Variants in MLIP observed in about 807,000 individuals in gnomAD.
MLIP encodes the protein muscular LMNA interacting protein.
MLIP carries 79 observed loss-of-function variants against 84.8 expected under a neutral mutation model. The observed-to-expected ratio is 0.93, with a 90% CI of 0.78 to 1.12. The LOEUF (loss-of-function observed/expected upper bound fraction) is 1.12. Among genes scored for constraint, MLIP ranks in the 50% most tolerant of loss-of-function variants. MLIP has a pLI of 0.00. For missense variants in MLIP, 1,257 were observed against 1,160.6 expected, an observed-to-expected ratio of 1.08 and a Z score of -1.21; for synonymous variants, 504 against 463.0, an observed-to-expected ratio of 1.09 and a Z score of -1.14.
At chr6:54,119,091 G>A (rs1345230891) in intron 1 of MLIP, among the ~76,000 whole-genome samples, 1 of 152,070 alleles carries the variant, frequency 6.6e-6, no homozygotes, top group East Asian at 1.9e-4. Context: ...ACACATTGGT[G>A]AGAGTGTTCA....
At chr6:54,075,354 C>T (rs1345913421) in intron 1 of MLIP, among the ~76,000 whole-genome samples, 1 of 150,786 alleles carries the variant, frequency 6.6e-6, no homozygotes. Context: ...ATTATTTGTC[C>T]TTGCTTTTCT....
intron 12 of MLIP, among the ~76,000 whole-genome samples, chr6:54,246,802 C>T (rs569841126): frequency 3.5e-4 from 53 of 152,182 alleles, no homozygotes; most frequent in African/African-American, 1.3e-3. Flanking sequence ...TCTGTATCTT[C>T]TTCTAGTAAG....
intron 12 of MLIP, among the ~76,000 whole-genome samples, chr6:54,249,502 G>T (rs1029632724): frequency 4.0e-5 from 6 of 151,228 alleles, no homozygotes; most frequent in Non-Finnish European, 7.4e-5. Flanking sequence ...TATTTCTATC[G>T]AGAGGAGCTT....
intron 4 of MLIP, among the ~76,000 whole-genome samples, chr6:54,142,062 C>T (rs1772364431): frequency 1.3e-5 from 2 of 152,216 alleles, no homozygotes; most frequent in Admixed American, 1.3e-4. Context: ...CTGTGACTTT[C>T]TTCATTTCTG....
chr6:54,255,606 C>T (rs1782954311), intron 12 of MLIP, among the ~76,000 whole-genome samples: 1 of 152,034 alleles, frequency 6.6e-6, no homozygotes. Flanking sequence ...TTTCTGTTCT[C>T]TTTCATTGAT....
At chr6:54,115,555 G>A (rs1769840910) in intron 1 of MLIP, among the ~76,000 whole-genome samples, 1 of 152,134 alleles carries the variant, frequency 6.6e-6, no homozygotes, top group African/African-American at 2.4e-5. Context: ...AGGAAGAATA[G>A]AGGTCAAGGA....
chr6:54,173,930 C>T (rs1006403323), intron 9 of MLIP, among the ~76,000 whole-genome samples: 1 of 151,274 alleles, frequency 6.6e-6, no homozygotes, highest in Non-Finnish European at 1.5e-5. Context: ...TGCTCTCTAT[C>T]TCCATGAGTT....
In MLIP at chr6:54,101,264, T is replaced by C. The variant is rs78999740; in HGVS notation, c.64-20183T>C. Among the ~76,000 whole-genome samples, 268 of 152,194 alleles carry C rather than the reference T, an allele frequency of 1.8e-3. 1 individual carries two copies. The highest frequency in any genetic ancestry group is 6.1e-3 in the African/African-American group (255 of 41,550). On this transcript the variant is annotated intron_variant, in intron 1 of 12. Transcript: ENST00000274897. Reference sequence around the variant, plus strand: ...AGGGGGGAAAAAGGAGGAAATAGTGTAAGTAAACATGGTAATATTCTGATA... The same window carrying C: ...AGGGGGGAAAAAGGAGGAAATAGTGCAAGTAAACATGGTAATATTCTGATA...
rs1309793195 is a variant in MLIP at position 54,124,937 on chromosome 6, C to A, written c.645+72C>A. On this transcript the variant is annotated intron_variant, in intron 3 of 13. Coordinates refer to ENST00000502396, the MANE Select transcript of MLIP (RefSeq NM_001281747.2). ...TGCACCCTTTGTCTTGGGCGGTCTG[C>A]AAAGGCCATCCTGTTTAAGGCAGAC... 5.1e-6 allele frequency: 7 copies of A among 1,383,432 alleles called. 1 individual carries two copies. Among genetic ancestry groups the A allele is most frequent in the Non-Finnish European group, 6.8e-6 (7 of 1,031,854 alleles). The allele number at this position is 1,383,432 out of a possible 1,614,324, so 85.7% of individuals were successfully genotyped here. A position where few individuals can be genotyped will look rare whatever the true frequency, so the allele number is the denominator to read the frequency against.
chr6:54,032,760 G>T (rs1030099302), intron 1 of MLIP, among the ~76,000 whole-genome samples: 5 of 152,050 alleles, frequency 3.3e-5, no homozygotes, highest in African/African-American at 9.7e-5. Context: ...TGCCATGTTG[G>T]CTAGGCTGGT....
intron 9 of MLIP, among the ~76,000 whole-genome samples, chr6:54,182,480 GA>G (rs1776980560): frequency 6.6e-6 from 1 of 152,160 alleles, no homozygotes; most frequent in African/African-American, 2.4e-5. Context: ...TAGGTACTAT[GA>G]TTGCTCACCT....
intron 12 of MLIP, among the ~76,000 whole-genome samples, chr6:54,236,211 A>C (rs1259566077): frequency 6.6e-6 from 1 of 152,246 alleles, no homozygotes; most frequent in African/African-American, 2.4e-5. Flanking sequence ...ATTTGTGGAC[A>C]TTCACAGAAC....
At chr6:54,240,802 C>T (rs1157953468) in intron 12 of MLIP, among the ~76,000 whole-genome samples, 1 of 152,094 alleles carries the variant, frequency 6.6e-6, no homozygotes, top group Non-Finnish European at 1.5e-5. Context: ...TGGTGAAACC[C>T]CATCTCTACT....
intron 1 of MLIP, among the ~76,000 whole-genome samples, chr6:54,082,150 G>A (rs1309472904): frequency 2.0e-5 from 3 of 152,076 alleles, no homozygotes; most frequent in Non-Finnish European, 4.4e-5. Context: ...TTTCTGAGAT[G>A]CAGGTATGTT....
At chr6:54,212,416 G>T (rs192980554) in intron 11 of MLIP, among the ~76,000 whole-genome samples, 114 of 152,180 alleles carry the variant, frequency 7.5e-4, no homozygotes, top group Admixed American at 1.7e-3. Context: ...AAAAAGAGGG[G>T]GGAAAACAAG....
At chr6:54,021,940 TAGTC>T (rs2150261286) in intron 1 of MLIP, among the ~76,000 whole-genome samples, 1 of 152,348 alleles carries the variant, frequency 6.6e-6, no homozygotes. Flanking sequence ...TGGAATATCT[TAGTC>T]ATTGATTCTG....
At position 54,032,001 on chromosome 6, in the gene MLIP, T is replaced by G. The variant is rs868822824; in HGVS notation, c.63+12910T>G. ...GAGTGTGACAGGAGGAGAATGGCAG[T>G]CTCCCGTCACTTAGCCAAAGTGCTA... is the stretch of plus-strand genomic sequence containing the variant. On this transcript the variant is annotated intron_variant, in intron 1 of 12. Transcript: ENST00000274897. 2.4e-4 allele frequency among the ~76,000 whole-genome samples: 36 copies of G among 152,170 alleles called. No homozygotes were observed. In the Middle Eastern group the frequency reaches 0.01, roughly 43 times the overall value.
At chr6:54,054,416 TG>T (rs1216233930) in intron 1 of MLIP, among the ~76,000 whole-genome samples, 3 of 94,478 alleles carry the variant, frequency 3.2e-5, no homozygotes, top group Admixed American at 1.3e-4. Context: ...TTAAGGACAG[TG>T]GGGAAAAAAA....
At chr6:54,041,279 T>C (rs1359284092) in intron 1 of MLIP, among the ~76,000 whole-genome samples, 2 of 152,134 alleles carry the variant, frequency 1.3e-5, no homozygotes, top group African/African-American at 4.8e-5. Flanking sequence ...TATTGAGTAG[T>C]ATTGCATTGT....
Sources: gnomAD v4.1 joint callset for allele counts (sites outside exome capture counted in the v4.1 genomes callset) on GRCh38, gnomAD v4.1.1 for gene constraint, MANE v1.5 for transcripts, NCBI Gene and HGNC (gene_info 2026-07-23, HGNC 2026-07-21) for gene names.